CEP72: variants seen among roughly 807,000 people sequenced by gnomAD.
The protein encoded by CEP72 is centrosomal protein 72, also known as centrosomal protein of 72 kDa.
In CEP72, 78 loss-of-function variants were observed where a neutral mutation model predicts 65.7. That is an observed-to-expected ratio of 1.19 (90% CI 0.99 to 1.43). CEP72 has a LOEUF of 1.43. CEP72 is among the 40% of genes most tolerant of loss of function. CEP72 has a pLI of 0.00. For missense variants in CEP72, 914 were observed against 832.9 expected (o/e 1.10, Z -1.20); for synonymous variants, 358 against 351.7 (o/e 1.02, Z -0.20).
intron 1 of CEP72, among the ~76,000 whole-genome samples, chr5:614,492 A>G (rs1037376622): frequency 1.2e-4 from 15 of 127,406 alleles, no homozygotes; most frequent in Admixed American, 1.2e-3. Context: ...TCTGTCACCC[A>G]GGCTGGAGTG....
At chr5:649,496 G>C (rs1204281666) in intron 11 of CEP72, among the ~76,000 whole-genome samples, 5 of 69,338 alleles carry the variant, frequency 7.2e-5, no homozygotes, top group African/African-American at 3.2e-4. Flanking sequence ...GGTGTGGACT[G>C]TGAGGTGTGA....
intron 8 of CEP72, among the ~76,000 whole-genome samples, chr5:639,711 A>C (rs1737871671): frequency 6.6e-6 from 1 of 152,162 alleles, no homozygotes; most frequent in Non-Finnish European, 1.5e-5. Flanking sequence ...ACATGAGCAC[A>C]CTGGGGCCTC....
intron 1 of CEP72, among the ~76,000 whole-genome samples, chr5:613,537 T>C (rs1397502380): frequency 6.6e-6 from 1 of 152,202 alleles, no homozygotes; most frequent in Non-Finnish European, 1.5e-5. Flanking sequence ...GGCTAATTTT[T>C]TATATTTTTA....
Position 653,253 on chromosome 5 carries a change from C to T in CEP72, c.*100C>T. The T allele has an allele frequency of 1.7e-6, 2 of 1,192,910 alleles. No homozygotes were observed. Among genetic ancestry groups the T allele is most frequent in the East Asian group, 2.7e-5 (1 of 37,404 alleles). The allele number at this position is 1,192,910 out of a possible 1,614,324, so 73.9% of individuals were successfully genotyped here. ...TTGAGTGTACTGGCTGGCAAGAGTT[C>T]TCTCTTCTGTTGGTAATTATTTAGG... On this transcript the variant is annotated 3_prime_UTR_variant, in exon 12 of 12. Coordinates refer to ENST00000264935, the MANE Select transcript of CEP72 (RefSeq NM_018140.4).
rs889800845 is a variant in CEP72 at position 645,968 on chromosome 5, G to A, written c.1666+1543G>A. The stretch of plus-strand genomic sequence containing the variant: ...TCACTCCTGCTCCCGTTGGCGCCCT[G>A]TGTGGATGGTGAATTCGGCTTCCTT... On this transcript the variant is annotated intron_variant, in intron 10 of 11. Coordinates refer to ENST00000264935, the MANE Select transcript of CEP72 (RefSeq NM_018140.4). This position sits in a 1 kb window ranked among gnomAD's most constrained non-coding sequence, Gnocchi z 4.0. Among the ~76,000 whole-genome samples the A allele has an allele frequency of 6.6e-6, 1 of 151,254 alleles. No homozygotes were observed. Among genetic ancestry groups the A allele is most frequent in the Admixed American group, 6.6e-5 (1 of 15,206 alleles).
intron 4 of CEP72, 71 bp from the exon 5 acceptor site, chr5:633,698 T>G (rs1407605757): frequency 6.9e-7 from 1 of 1,453,696 alleles, no homozygotes; most frequent in Non-Finnish European, 9.5e-7. Flanking sequence ...GAATTTTCCT[T>G]CTCCTGGTCT....
Position 624,385 on chromosome 5 carries a change from C to T in CEP72, c.404-86C>T. ...GCAGGGCTGGCCCCGAGGGGATGGA[C>T]ACCCTGCCCCGTGTAGATGCCCCAG... On this transcript the variant is annotated intron_variant, in intron 3 of 11. Transcript: ENST00000264935. This position sits in a 1 kb window ranked among gnomAD's most constrained non-coding sequence, Gnocchi z 4.7. The T allele has an allele frequency of 2.2e-6, 2 of 895,070 alleles. No individual in the cohort carries two copies. Among genetic ancestry groups the T allele is most frequent in the Non-Finnish European group, 3.7e-6 (2 of 540,234 alleles). 55.4% of individuals were successfully genotyped at this position (895,070 alleles called of 1,614,324 possible). A position where few individuals can be genotyped will look rare whatever the true frequency, so the allele number is the denominator to read the frequency against.
intron 9 of CEP72, chr5:642,086 G>A (rs1201286678): frequency 6.5e-5 from 64 of 977,242 alleles, no homozygotes; most frequent in Non-Finnish European, 7.5e-5. Flanking sequence ...GTGGTCCCCC[G>A]TCCAGAAGCC....
chr5:649,052 T>TGACTGTGAGGTGTG (rs1738688670), intron 11 of CEP72, among the ~76,000 whole-genome samples: 1 of 120,498 alleles, frequency 8.3e-6, no homozygotes, highest in Non-Finnish European at 1.8e-5. Context: ...CTGTGAGGTG[T>TGACTGTGAGGTGTG]GACTGTGAGG....
rs2292022 is a variant in CEP72 at position 638,263 on chromosome 5, C to G, written c.1206+445C>G. Among the ~76,000 whole-genome samples the G allele has an allele frequency of 5.9e-3, 905 of 152,276 alleles. 31 individuals are homozygous for G. The highest frequency in any genetic ancestry group is 0.051 in the Admixed American group (774 of 15,292). ...TTGGCCGGCTGAGCCATTGATGACC[C>G]TTTCGTGAGGGGAGGATCCTGGAGG... is the stretch of plus-strand genomic sequence containing the variant. On this transcript the variant is annotated intron_variant, in intron 7 of 11. Coordinates refer to ENST00000264935, the MANE Select transcript of CEP72 (RefSeq NM_018140.4).
downstream of CEP72, among the ~76,000 whole-genome samples, chr5:668,932 T>C (rs1021924233): frequency 6.6e-6 from 1 of 152,172 alleles, no homozygotes; most frequent in South Asian, 2.1e-4. Context: ...CGCTGGGTGA[T>C]TCCCAGACCC....
chr5:616,890 C>T (rs916071112), intron 1 of CEP72, among the ~76,000 whole-genome samples: 2 of 148,816 alleles, frequency 1.3e-5, no homozygotes, highest in African/African-American at 5.0e-5. Flanking sequence ...GTCTGTCCTG[C>T]AAGGCCCCTC....
At chr5:664,791 C>T (rs900453727) in intron 2 of CEP72, 12 of 313,904 alleles carry the variant, frequency 3.8e-5, no homozygotes, top group Non-Finnish European at 5.4e-5. Context: ...TGCTTTAAAA[C>T]GCCCCTTTGA....
chr5:675,028 G>T, the CEP72 span, among the ~76,000 whole-genome samples: 1 of 115,076 alleles, frequency 8.7e-6, no homozygotes, highest in African/African-American at 3.3e-5. Context: ...GGCCGGGGGA[G>T]CAGTGAGGGG....
intron 10 of CEP72, among the ~76,000 whole-genome samples, chr5:646,797 C>T (rs930084509): frequency 3.9e-5 from 6 of 152,194 alleles, no homozygotes; most frequent in East Asian, 3.9e-4. Flanking sequence ...TCAGAGCTGA[C>T]GGCCACCCAC....
chr5:641,366 C>T, intron 9 of CEP72: 1 of 985,466 alleles, frequency 1.0e-6, no homozygotes, highest in Non-Finnish European at 1.2e-6. Context: ...TGAGGATGTG[C>T]ACATCCAGAG....
intron 11 of CEP72, among the ~76,000 whole-genome samples, chr5:649,344 G>T (rs1738743731): frequency 1.3e-5 from 1 of 76,620 alleles, no homozygotes; most frequent in Non-Finnish European, 2.5e-5. Context: ...GTGAGGCGTG[G>T]ACTGTGAGGC....
intron 5 of CEP72, among the ~76,000 whole-genome samples, chr5:634,562 C>T (rs1737461230): frequency 6.6e-6 from 1 of 152,192 alleles, no homozygotes; most frequent in Non-Finnish European, 1.5e-5. Context: ...TCCTTGCCGG[C>T]ACTGGGAGCT....
downstream of CEP72, among the ~76,000 whole-genome samples, chr5:668,984 T>G (rs113366310): frequency 3.3e-5 from 5 of 152,278 alleles, no homozygotes; most frequent in East Asian, 3.9e-4. Flanking sequence ...AGGGTTCCCA[T>G]ACACTTTACA....
Sources: allele counts gnomAD v4.1 joint callset (sites outside exome capture counted in the v4.1 genomes callset), GRCh38; gene constraint gnomAD v4.1.1; non-coding constraint Gnocchi (gnomAD v3.1); transcripts MANE v1.5; gene names NCBI Gene and HGNC (gene_info 2026-07-23, HGNC 2026-07-21).